APPBP2: variants seen among roughly 807,000 people sequenced by gnomAD.
The protein encoded by APPBP2 is amyloid beta precursor protein binding protein 2.
In APPBP2, 15 loss-of-function variants were observed where a neutral mutation model predicts 76.0. That is an observed-to-expected ratio of 0.20 (90% CI 0.13 to 0.30). The LOEUF (loss-of-function observed/expected upper bound fraction) is 0.30, where lower values mean the gene tolerates loss of function less well. Among genes scored for constraint, APPBP2 ranks in the 10% least tolerant of loss-of-function variants. The pLI, the probability that APPBP2 is intolerant of heterozygous loss-of-function variation, is 1.00. For synonymous variants in APPBP2, 222 were observed against 242.2 expected (o/e 0.92, Z 0.77); for missense variants, 401 against 687.2 (o/e 0.58, Z 4.66).
intron 5 of APPBP2, 24 bp from the exon 6 acceptor site, chr17:60,464,134 G>T: frequency 6.4e-7 from 1 of 1,559,160 alleles, no homozygotes. Flanking sequence ...TTATAGAAGA[G>T]ACAGAACTGT....
In APPBP2 at chr17:60,447,532, G is replaced by C. The variant is rs1239464692; in HGVS notation, c.*49C>G. ...CAACATGGTTTTGATTTCACAGTAT[G>C]AATTCCCTGGAATCCGGGAAAAGGT... On this transcript the variant is annotated 3_prime_UTR_variant, in exon 13 of 13. Transcript: ENST00000083182. The C allele has an allele frequency of 1.9e-6, 3 of 1,549,292 alleles. No homozygotes were observed. The highest frequency in any genetic ancestry group is 1.4e-5 in the African/African-American group (1 of 72,690).
intron 4 of APPBP2, 23 bp downstream of exon 4, chr17:60,479,125 T>C (rs2090611351): frequency 6.2e-7 from 1 of 1,602,994 alleles, no homozygotes; most frequent in African/African-American, 1.3e-5. Flanking sequence ...TAGCACGTAA[T>C]TACAGGATAT....
intron 2 of APPBP2, among the ~76,000 whole-genome samples, chr17:60,496,870 G>C (rs1378617823): frequency 6.6e-6 from 1 of 152,128 alleles, no homozygotes; most frequent in African/African-American, 2.4e-5. Flanking sequence ...ACAGGCATGA[G>C]CTACCACGCC....
intron 1 of APPBP2, among the ~76,000 whole-genome samples, chr17:60,500,866 A>G (rs2090817587): frequency 6.6e-6 from 1 of 152,208 alleles, no homozygotes; most frequent in Non-Finnish European, 1.5e-5. Context: ...AGAGCTGGTC[A>G]ATATGGCCAC....
intron 3 of APPBP2, among the ~76,000 whole-genome samples, chr17:60,484,900 T>C (rs1353684128): frequency 6.6e-6 from 1 of 151,816 alleles, no homozygotes; most frequent in Non-Finnish European, 1.5e-5. Flanking sequence ...TTACATTCCA[T>C]AAATACCTAA....
At chr17:60,521,044 C>T (rs1365244587) in intron 1 of APPBP2, among the ~76,000 whole-genome samples, 1 of 152,194 alleles carries the variant, frequency 6.6e-6, no homozygotes, top group African/African-American at 2.4e-5. Context: ...CATCTTCCTG[C>T]CTCAGATTCC....
intron 1 of APPBP2, among the ~76,000 whole-genome samples, chr17:60,521,623 C>G (rs2091010621): frequency 6.6e-6 from 1 of 152,056 alleles, no homozygotes. Flanking sequence ...CGCTTTATTG[C>G]CCAGGCAGGT....
intron 11 of APPBP2, among the ~76,000 whole-genome samples, chr17:60,452,824 T>G (rs2090405163): frequency 6.6e-6 from 1 of 152,100 alleles, no homozygotes; most frequent in Admixed American, 6.5e-5. Context: ...TCCCAGCTAC[T>G]TGGGAAGCTG....
intron 3 of APPBP2, among the ~76,000 whole-genome samples, chr17:60,492,447 G>A (rs991819284): frequency 1.3e-5 from 2 of 152,156 alleles, no homozygotes; most frequent in East Asian, 1.9e-4. Context: ...ACAGACACTC[G>A]ACGCCAGTCC....
chr17:60,525,695 A>C (rs746891734), intron 1 of APPBP2, 99 bp downstream of exon 1: 8 of 1,551,390 alleles, frequency 5.2e-6, no homozygotes, highest in Non-Finnish European at 7.0e-6. Context: ...AGTCTGCCGG[A>C]AGGGGTGAGG....
chr17:60,474,209 C>T (rs868550565), intron 4 of APPBP2, among the ~76,000 whole-genome samples: 2 of 149,654 alleles, frequency 1.3e-5, no homozygotes, highest in East Asian at 1.9e-4. Flanking sequence ...TTTTGCTCGT[C>T]GCCCAGGTTG....
chr17:60,466,249 G>A lies in APPBP2; in HGVS notation c.672+42C>T, dbSNP rs781664936. ...ATTTGATTTACCCTCTGTTTTTATA[G>A]GTACTTATTGGTCACAGTGAAATGT... On this transcript the variant is annotated intron_variant, in intron 5 of 12. Transcript: ENST00000083182. 2.6e-6 allele frequency: 4 copies of A among 1,555,374 alleles called. No individual in the cohort carries two copies. The Admixed American group carries it at 5.4e-5, about 21-fold the overall frequency.
At chr17:60,472,540 C>T (rs1199506873) in intron 4 of APPBP2, among the ~76,000 whole-genome samples, 1 of 152,114 alleles carries the variant, frequency 6.6e-6, no homozygotes, top group African/African-American at 2.4e-5. Flanking sequence ...TTATTTGAGT[C>T]TTCTGTCTTT....
chr17:60,514,810 T>A (rs180975052), intron 1 of APPBP2, among the ~76,000 whole-genome samples: 1 of 152,314 alleles, frequency 6.6e-6, no homozygotes. Context: ...TTTAAAACTT[T>A]TCTTTTTTTT....
chr17:60,526,174 A>C lies in APPBP2; in HGVS notation c.-243T>G. 2.0e-6 allele frequency: 1 copy of C among 510,674 alleles called. No individual in the cohort carries two copies. Among genetic ancestry groups the C allele is most frequent in the African/African-American group, 1.9e-5 (1 of 51,790 alleles). The allele number at this position is 510,674 out of a possible 1,614,324, so 31.6% of individuals were successfully genotyped here. On this transcript the variant is annotated 5_prime_UTR_variant, in exon 1 of 13. It adds an upstream start codon to the 5' untranslated region. Coordinates refer to ENST00000083182, the MANE Select transcript of APPBP2 (RefSeq NM_006380.5). ...CGGCCAGCCAGGCCAAAAGCGTCAC[A>C]ATCCCGGTTCGAGAGGAACCCGGGT...
At chr17:60,458,898 G>A (rs551894602) in intron 9 of APPBP2, among the ~76,000 whole-genome samples, 19 of 151,336 alleles carry the variant, frequency 1.3e-4, no homozygotes, top group Non-Finnish European at 2.7e-4. Context: ...TCAGCCTCCC[G>A]AGTAGCTGGG....
Position 60,446,748 on chromosome 17 carries a change from T to G in APPBP2, c.*833A>C, listed in dbSNP as rs1018554142. On this transcript the variant is annotated 3_prime_UTR_variant, in exon 13 of 13. Coordinates refer to ENST00000083182, the MANE Select transcript of APPBP2 (RefSeq NM_006380.5). Reference sequence around the variant, plus strand: ...TATTACATAATTTTTGCATTATCCTTTTTCATTATACATCTAAATGAAATC... The same window carrying G: ...TATTACATAATTTTTGCATTATCCTGTTTCATTATACATCTAAATGAAATC... 1 of 152,208 alleles carries G rather than the reference T, an allele frequency of 6.6e-6. No individual in the cohort carries two copies. Among genetic ancestry groups the G allele is most frequent in the Non-Finnish European group, 1.5e-5 (1 of 68,026 alleles). The allele number at this position is 152,208 out of a possible 1,614,324, so 9.4% of individuals were successfully genotyped here.
At chr17:60,500,845 G>A (rs1392894107) in intron 1 of APPBP2, among the ~76,000 whole-genome samples, 1 of 151,996 alleles carries the variant, frequency 6.6e-6, no homozygotes. Flanking sequence ...CAAAGATAAT[G>A]TCCAGAAAAC....
intron 6 of APPBP2, 90 bp from the exon 7 acceptor site, chr17:60,462,151 A>T: frequency 2.0e-6 from 2 of 999,010 alleles, no homozygotes; most frequent in Non-Finnish European, 3.1e-6. Flanking sequence ...TATAAGAGTT[A>T]ATAAGAAAAA....
Sources: allele counts gnomAD v4.1 joint callset (sites outside exome capture counted in the v4.1 genomes callset), GRCh38; gene constraint gnomAD v4.1.1; transcripts MANE v1.5; gene names NCBI Gene and HGNC (gene_info 2026-07-23, HGNC 2026-07-21).